The following SLC23A2 variants were observed in gnomAD, a reference collection of about 807,000 sequenced individuals.
The protein encoded by SLC23A2 is Na(+)/L-ascorbic acid transporter 2.
A neutral mutation model predicts 73.3 loss-of-function variants in SLC23A2; 36 were observed. The ratio of observed to expected loss-of-function variants is 0.49; its 90% CI spans 0.38 to 0.65. The LOEUF is 0.65. Ranked by LOEUF, SLC23A2 falls within the 30% of genes least tolerant of loss-of-function variation. SLC23A2 has a pLI of 0.00. For missense variants in SLC23A2, 507 were observed against 841.6 expected (o/e 0.60, Z 4.92); for synonymous variants, 343 against 327.3 (o/e 1.05, Z -0.52).
At chr20:4,946,970 T>C (rs989932446) in intron 2 of SLC23A2, among the ~76,000 whole-genome samples, 1 of 152,184 alleles carries the variant, frequency 6.6e-6, no homozygotes, top group Admixed American at 6.5e-5. Flanking sequence ...TTCCAAAACT[T>C]TATTTAAATA....
At chr20:4,884,245 T>C (rs1931007999) in intron 8 of SLC23A2, among the ~76,000 whole-genome samples, 1 of 152,236 alleles carries the variant, frequency 6.6e-6, no homozygotes, top group Admixed American at 6.5e-5. Context: ...ATGTTTTTAG[T>C]GTGCAGAATG....
intron 6 of SLC23A2, among the ~76,000 whole-genome samples, chr20:4,896,189 C>T (rs964478773): frequency 1.3e-5 from 2 of 152,104 alleles, no homozygotes; most frequent in Non-Finnish European, 2.9e-5. Flanking sequence ...AAGGGGGGAA[C>T]CAGCGGCCTC....
chr20:5,009,172 G>A (rs953472810), intron 1 of SLC23A2, among the ~76,000 whole-genome samples: 4 of 152,104 alleles, frequency 2.6e-5, no homozygotes, highest in African/African-American at 9.7e-5. Context: ...CTTTGTGACT[G>A]CATTTCCTAG....
At chr20:4,979,162 G>A (rs1428349213) in intron 1 of SLC23A2, among the ~76,000 whole-genome samples, 11 of 151,820 alleles carry the variant, frequency 7.2e-5, no homozygotes, top group African/African-American at 1.2e-4. Context: ...GCGTGGTGGC[G>A]TGTGCCTGTA....
At chr20:5,006,335 G>C (rs189411996), upstream of SLC23A2, among the ~76,000 whole-genome samples, 18 of 151,982 alleles carry the variant, frequency 1.2e-4, no homozygotes, top group East Asian at 3.3e-3. Context: ...CTGACCTCTT[G>C]ATCCATCTGC....
At chr20:4,922,216 A>T (rs1932520045) in intron 3 of SLC23A2, among the ~76,000 whole-genome samples, 1 of 152,236 alleles carries the variant, frequency 6.6e-6, no homozygotes, top group South Asian at 2.1e-4. Flanking sequence ...CCTAGAAGAA[A>T]GGAAATCTGA....
At chr20:4,948,710 C>T (rs964030250) in intron 2 of SLC23A2, among the ~76,000 whole-genome samples, 7 of 152,352 alleles carry the variant, frequency 4.6e-5, no homozygotes, top group Middle Eastern at 3.4e-3. Context: ...ATGTTATACA[C>T]TCTTTTTCCT....
chr20:4,943,310 G>C (rs926311768), intron 2 of SLC23A2, among the ~76,000 whole-genome samples: 1 of 151,958 alleles, frequency 6.6e-6, no homozygotes, highest in Admixed American at 6.6e-5. Context: ...CGAGAGAGAG[G>C]AAGAGCCAGA....
At chr20:4,995,128 T>C (rs1186539189) in intron 1 of SLC23A2, among the ~76,000 whole-genome samples, 1 of 152,022 alleles carries the variant, frequency 6.6e-6, no homozygotes, top group Non-Finnish European at 1.5e-5. Flanking sequence ...TGGGGGTATG[T>C]ATATATTCAC....
chr20:4,862,102 CAG>C lies in SLC23A2; in HGVS notation c.1487-19_1487-18del. ...TGATCATTCCTGGAGAAAAACAAAC[CAG>C]ACCACAAGCTCCAGCACCACTACAG... is the stretch of plus-strand genomic sequence containing the variant. On this transcript the variant is annotated intron_variant, in intron 14 of 16. Coordinates refer to ENST00000338244, the MANE Select transcript of SLC23A2 (RefSeq NM_005116.6). This position sits in a 1 kb window ranked among gnomAD's most constrained non-coding sequence, Gnocchi z 5.1. 6.2e-6 allele frequency: 10 copies of C among 1,613,574 alleles called. No individual in the cohort carries two copies. The highest frequency in any genetic ancestry group is 8.5e-6 in the Non-Finnish European group (10 of 1,179,714).
At chr20:4,907,437 G>A (rs1442532767) in intron 4 of SLC23A2, among the ~76,000 whole-genome samples, 3 of 151,854 alleles carry the variant, frequency 2.0e-5, no homozygotes, top group Admixed American at 1.3e-4. Flanking sequence ...AAAAATGAAG[G>A]CAAAGAAACA....
chr20:4,881,162 A>C (rs896992634), intron 9 of SLC23A2, among the ~76,000 whole-genome samples: 1 of 152,244 alleles, frequency 6.6e-6, no homozygotes, highest in Non-Finnish European at 1.5e-5. Context: ...AAGCAGAAGA[A>C]ACTGGTTTCA....
In SLC23A2 at chr20:4,885,916, G is replaced by A. The variant is rs1349363127; in HGVS notation, c.483-7C>T. ...GGCCTGAAACAGGGGTAACCTAAAA[G>A]AAACGAGACCAAAACCATGATCACG... On this transcript the variant is annotated splice_region_variant and splice_polypyrimidine_tract_variant and intron_variant, in intron 6 of 16. Coordinates refer to ENST00000338244, the MANE Select transcript of SLC23A2 (RefSeq NM_005116.6). 6.2e-7 allele frequency: 1 copy of A among 1,603,784 alleles called. No individual in the cohort carries two copies.
chr20:4,904,075 A>G (rs1459987015), intron 4 of SLC23A2, among the ~76,000 whole-genome samples: 1 of 152,152 alleles, frequency 6.6e-6, no homozygotes, highest in African/African-American at 2.4e-5. Context: ...TGTGAGGATC[A>G]CTTGAGGCCA....
intron 5 of SLC23A2, among the ~76,000 whole-genome samples, chr20:4,900,848 C>T (rs1931717447): frequency 6.6e-6 from 1 of 152,142 alleles, no homozygotes; most frequent in South Asian, 2.1e-4. Flanking sequence ...GTTCTGCAAA[C>T]TTCCTACTTT....
At chr20:4,928,001 C>G (rs1932728355) in intron 3 of SLC23A2, among the ~76,000 whole-genome samples, 1 of 152,120 alleles carries the variant, frequency 6.6e-6, no homozygotes, top group Non-Finnish European at 1.5e-5. Flanking sequence ...AGCAATTTCA[C>G]TAGTGATTAA....
rs1456584124 is a variant in SLC23A2, at chr20:4,902,595, A to G, written c.208-37T>C. The G allele has an allele frequency of 1.2e-5, 15 of 1,232,768 alleles. No homozygotes were observed. The highest frequency in any genetic ancestry group is 1.8e-5 in the Non-Finnish European group (15 of 846,384). 76.4% of individuals were successfully genotyped at this position (1,232,768 alleles called of 1,614,324 possible). On this transcript the variant is annotated intron_variant, in intron 4 of 16. Coordinates refer to ENST00000338244, the MANE Select transcript of SLC23A2 (RefSeq NM_005116.6). The surrounding 1 kb of genome is among the most constrained non-coding windows in gnomAD (Gnocchi z 4.0). ...AAGGAGAAAAGAAGGTGCTCATTAAACGTGAAGACCAGTGTTAGCTCGGCC... is the reference window on the plus strand; with the variant it reads ...AAGGAGAAAAGAAGGTGCTCATTAAGCGTGAAGACCAGTGTTAGCTCGGCC...
At chr20:5,000,543 A>G (rs1487300169) in intron 1 of SLC23A2, among the ~76,000 whole-genome samples, 2 of 152,116 alleles carry the variant, frequency 1.3e-5, no homozygotes, top group African/African-American at 4.8e-5. Flanking sequence ...TAGAAGTAGC[A>G]CCTACTACAA....
intron 2 of SLC23A2, among the ~76,000 whole-genome samples, chr20:4,940,277 T>C (rs753988826): frequency 6.6e-6 from 1 of 152,162 alleles, no homozygotes; most frequent in African/African-American, 2.4e-5. Flanking sequence ...ATCATGCCGC[T>C]TCACTACAGC....
Sources: gnomAD v4.1 joint callset for allele counts (sites outside exome capture counted in the v4.1 genomes callset) on GRCh38, gnomAD v4.1.1 for gene constraint, Gnocchi (gnomAD v3.1) non-coding constraint, MANE v1.5 for transcripts, NCBI Gene and HGNC (gene_info 2026-07-23, HGNC 2026-07-21) for gene names.